The following TRPC4 variants were observed in gnomAD, a reference collection of about 807,000 sequenced individuals.
TRPC4 encodes short transient receptor potential channel 4.
TRPC4 carries 49 observed loss-of-function variants against 99.4 expected under a neutral mutation model. The ratio of observed to expected loss-of-function variants is 0.49; its 90% CI spans 0.39 to 0.63. TRPC4 has a LOEUF of 0.63. Among genes scored for constraint, TRPC4 ranks in the 20% least tolerant of loss-of-function variants. The probability of loss-of-function intolerance (pLI) is 0.00; values close to 1 mark genes in which losing one functional copy is unlikely to be tolerated. For missense variants in TRPC4, 898 were observed against 1,152.9 expected (o/e 0.78, Z 3.20); for synonymous variants, 454 against 425.9 (o/e 1.07, Z -0.81).
chr13:37,753,481 G>T (rs1219218329), intron 2 of TRPC4, among the ~76,000 whole-genome samples: 1 of 151,438 alleles, frequency 6.6e-6, no homozygotes, highest in Non-Finnish European at 1.5e-5. Context: ...TTACATTTTG[G>T]ATTAGACTTG....
In TRPC4 at chr13:37,632,703, T is replaced by A. The variant is rs1951421945; in HGVS notation, c.*4200A>T. Among the ~76,000 whole-genome samples the A allele has an allele frequency of 1.3e-5, 2 of 152,314 alleles. No individual in the cohort carries two copies. Among genetic ancestry groups the A allele is most frequent in the East Asian group, 3.9e-4 (2 of 5,178 alleles). On this transcript the variant is annotated 3_prime_UTR_variant, in exon 11 of 11. Transcript: ENST00000379705. ...AAGCTTTGATATAATTTAATACATT[T>A]TATTATTACCAGTATGCATACAGGT...
intron 6 of TRPC4, among the ~76,000 whole-genome samples, chr13:37,662,895 G>C (rs1368814744): frequency 6.6e-6 from 1 of 152,184 alleles, no homozygotes; most frequent in African/African-American, 2.4e-5. Context: ...AGAGAGTTTT[G>C]TGTGCATGAC....
chr13:37,866,769 C>G (rs1459533681), intron 1 of TRPC4, among the ~76,000 whole-genome samples: 1 of 138,934 alleles, frequency 7.2e-6, no homozygotes, highest in African/African-American at 2.7e-5. Context: ...TAAATCAACT[C>G]TTCATTATAA....
Position 37,703,330 on chromosome 13 carries a change from A to T in TRPC4, c.898-10995T>A, listed in dbSNP as rs577233993. 7.2e-5 allele frequency among the ~76,000 whole-genome samples: 11 copies of T among 152,256 alleles called. No individual in the cohort carries two copies. In the East Asian group the frequency reaches 2.1e-3, roughly 29 times the overall value. On this transcript the variant is annotated intron_variant, in intron 3 of 10. Transcript: ENST00000379705. ...TTACCCATCTATGTTTATTGTGTTGATAAGTGGTACAACGTCTACCTAGAT... is the reference window on the plus strand; with the variant it reads ...TTACCCATCTATGTTTATTGTGTTGTTAAGTGGTACAACGTCTACCTAGAT...
intron 1 of TRPC4, among the ~76,000 whole-genome samples, chr13:37,785,444 T>A (rs1272889245): frequency 1.3e-5 from 2 of 152,144 alleles, no homozygotes; most frequent in African/African-American, 4.8e-5. Flanking sequence ...ATACCCTTTA[T>A]TATCTCAGTT....
chr13:37,676,198 C>CA (rs1953042432), intron 4 of TRPC4, among the ~76,000 whole-genome samples: 1 of 150,606 alleles, frequency 6.6e-6, no homozygotes, highest in African/African-American at 2.4e-5. Flanking sequence ...CCACACACAC[C>CA]AAACCGTGAT....
chr13:37,859,368 A>C (rs1268849771), intron 1 of TRPC4, among the ~76,000 whole-genome samples: 1 of 151,398 alleles, frequency 6.6e-6, no homozygotes, highest in Non-Finnish European at 1.5e-5. Flanking sequence ...AAGTAATGAA[A>C]GACAGGAAGC....
chr13:37,726,202 A>G (rs1955052308), intron 3 of TRPC4, among the ~76,000 whole-genome samples: 1 of 151,688 alleles, frequency 6.6e-6, no homozygotes, highest in Non-Finnish European at 1.5e-5. Flanking sequence ...TCCCCCCCCA[A>G]AAAAAAAAGT....
chr13:37,808,801 C>A (rs1957599121), intron 1 of TRPC4, among the ~76,000 whole-genome samples: 1 of 151,978 alleles, frequency 6.6e-6, no homozygotes, highest in Non-Finnish European at 1.5e-5. Context: ...ACCTTTCTCT[C>A]CCTTCCACAG....
chr13:37,734,123 C>A (rs1403867847), intron 3 of TRPC4, among the ~76,000 whole-genome samples: 1 of 152,172 alleles, frequency 6.6e-6, no homozygotes, highest in Non-Finnish European at 1.5e-5. Flanking sequence ...CTCCATGAAT[C>A]TGCACAGAGT....
intron 2 of TRPC4, among the ~76,000 whole-genome samples, chr13:37,767,239 C>T (rs1956400938): frequency 6.6e-6 from 1 of 150,890 alleles, no homozygotes; most frequent in Non-Finnish European, 1.5e-5. Context: ...GCTAAAAAAG[C>T]TGTATATTCT....
chr13:37,814,628 C>T (rs648524), intron 1 of TRPC4, among the ~76,000 whole-genome samples: 4,960 of 151,776 alleles, frequency 0.033, 257 homozygotes, highest in African/African-American at 0.11. Context: ...CATTCTTTCA[C>T]TTGTAGTGAA....
chr13:37,731,517 TA>T lies in TRPC4; in HGVS notation c.897+14419del, dbSNP rs201656825. On this transcript the variant is annotated intron_variant, in intron 3 of 10. Coordinates refer to ENST00000379705, the MANE Select transcript of TRPC4 (RefSeq NM_016179.4). ...AATGATAAAAGATGAAAAAATACAT[TA>T]AAAAAATTAAAATGCTTCAATACAA... Among the ~76,000 whole-genome samples the T allele has an allele frequency of 2.4e-4, 36 of 152,070 alleles. No individual in the cohort carries two copies. In the East Asian group the frequency reaches 3.7e-3, roughly 15 times the overall value.
rs777819635 is a variant in TRPC4, at chr13:37,655,446, C to T, written c.1689-163G>A. On this transcript the variant is annotated intron_variant, in intron 6 of 10. Coordinates refer to ENST00000379705, the MANE Select transcript of TRPC4 (RefSeq NM_016179.4). ...CTTTTAGGACAATTATAAAATTAAACGATAAAAAGAGTGAAATAAAACTGT... is the reference window on the plus strand; with the variant it reads ...CTTTTAGGACAATTATAAAATTAAATGATAAAAAGAGTGAAATAAAACTGT... Among the ~76,000 whole-genome samples, 6 of 150,112 alleles carry T rather than the reference C, an allele frequency of 4.0e-5. 1 individual carries two copies. Among genetic ancestry groups the T allele is most frequent in the Admixed American group, 1.3e-4 (2 of 15,020 alleles).
intron 5 of TRPC4, among the ~76,000 whole-genome samples, chr13:37,668,097 C>T (rs567045014): frequency 6.6e-6 from 1 of 152,330 alleles, no homozygotes; most frequent in South Asian, 2.1e-4. Context: ...TCAGAGCTGA[C>T]AGCTCCGTGT....
chr13:37,659,184 G>A (rs114227030), intron 6 of TRPC4, among the ~76,000 whole-genome samples: 1,762 of 152,234 alleles, frequency 0.012, 42 homozygotes, highest in African/African-American at 0.041. Context: ...TTTGAGTGAT[G>A]AGGGTGGATT....
At position 37,746,567 on chromosome 13, in the gene TRPC4, G is replaced by GT. The variant is rs1491467056; in HGVS notation, c.379-113dup. 34 of 850,336 alleles carry GT rather than the reference G, an allele frequency of 4.0e-5. 1 individual carries two copies. The African/African-American group carries it at 5.3e-4, about 13-fold the overall frequency. 52.7% of individuals were successfully genotyped at this position (850,336 alleles called of 1,614,324 possible). On this transcript the variant is annotated intron_variant, in intron 2 of 10. Coordinates refer to ENST00000379705, the MANE Select transcript of TRPC4 (RefSeq NM_016179.4). ...ACAGGGTTTATATGTCCTTGGCCGGGTTTTTTTTTTTTTGTAGGAGAGATA... is the reference window on the plus strand; with the variant it reads ...ACAGGGTTTATATGTCCTTGGCCGGGTTTTTTTTTTTTTTGTAGGAGAGATA...
At chr13:37,866,516 G>T (rs17273171) in intron 1 of TRPC4, among the ~76,000 whole-genome samples, 3 of 151,430 alleles carry the variant, frequency 2.0e-5, no homozygotes, top group African/African-American at 7.3e-5. Flanking sequence ...TTTTCAATGC[G>T]CATGCCTTTA....
At chr13:37,638,753 G>C (rs1951613938) in intron 10 of TRPC4, among the ~76,000 whole-genome samples, 1 of 152,128 alleles carries the variant, frequency 6.6e-6, no homozygotes, top group Admixed American at 6.6e-5. Flanking sequence ...TTAAAAATCA[G>C]GCTGAAATTT....
Sources: allele counts gnomAD v4.1 joint callset (sites outside exome capture counted in the v4.1 genomes callset), GRCh38; gene constraint gnomAD v4.1.1; transcripts MANE v1.5; gene names NCBI Gene and HGNC (gene_info 2026-07-23, HGNC 2026-07-21).